CTNNA3: variants seen among roughly 807,000 people sequenced by gnomAD.
CTNNA3 encodes catenin alpha 3, also known as catenin alpha-3.
In CTNNA3, 76 loss-of-function variants were observed where a neutral mutation model predicts 95.7. That is an observed-to-expected ratio of 0.79 (90% CI 0.66 to 0.96). The LOEUF is 0.96. CTNNA3 is among the 40% of genes least tolerant of loss of function. The pLI, the probability that CTNNA3 is intolerant of heterozygous loss-of-function variation, is 0.00. For missense variants in CTNNA3, 1,191 were observed against 1,089.8 expected (o/e 1.09, Z -1.31); for synonymous variants, 431 against 374.4 (o/e 1.15, Z -1.74).
intron 7 of CTNNA3, among the ~76,000 whole-genome samples, chr10:66,940,821 T>C (rs1401774036): frequency 6.6e-6 from 1 of 152,202 alleles, no homozygotes; most frequent in East Asian, 1.9e-4. Flanking sequence ...AGTTTGTATT[T>C]CAACTGTACC....
At chr10:66,092,686 A>C (rs1018297555) in intron 14 of CTNNA3, among the ~76,000 whole-genome samples, 2 of 151,988 alleles carry the variant, frequency 1.3e-5, no homozygotes, top group African/African-American at 4.8e-5. Flanking sequence ...AAAGATATAG[A>C]ACTTTGGTTT....
In CTNNA3 at chr10:66,810,983, G is replaced by C. The variant is rs139393125; in HGVS notation, c.1048-35459C>G. Among the ~76,000 whole-genome samples the C allele has an allele frequency of 2.8e-3, 420 of 152,270 alleles. 2 individuals carry two copies. Among genetic ancestry groups the C allele is most frequent in the African/African-American group, 9.6e-3 (397 of 41,570 alleles). ...TATTAAGCAGAGTATATTGTACCATGTGGAGACTCAGTTGGGTTTCAGTGT... is the reference window on the plus strand; with the variant it reads ...TATTAAGCAGAGTATATTGTACCATCTGGAGACTCAGTTGGGTTTCAGTGT... On this transcript the variant is annotated intron_variant, in intron 7 of 17. Coordinates refer to ENST00000433211, the MANE Select transcript of CTNNA3 (RefSeq NM_013266.4).
intron 17 of CTNNA3, among the ~76,000 whole-genome samples, chr10:65,960,451 G>C (rs369002948): frequency 1.3e-5 from 2 of 152,052 alleles, no homozygotes; most frequent in Admixed American, 1.3e-4. Context: ...CATGAACCCA[G>C]GAGGCGGAGC....
rs202174114 is a variant in CTNNA3, at chr10:67,099,442, G to A, written c.1047+80875C>T. 4.0e-5 allele frequency: 6 copies of A among 151,702 alleles called. No individual in the cohort carries two copies. The East Asian group carries it at 7.8e-4, about 20-fold the overall frequency. The allele number at this position is 151,702 out of a possible 1,614,324, so 9.4% of individuals were successfully genotyped here. ...AGATTGACAATACATCAATCTAACA[G>A]GGGCCAATCAAAACAATGAAGAAAA... On this transcript the variant is annotated intron_variant, in intron 7 of 17. Transcript: ENST00000433211.
chr10:66,970,728 C>T (rs1849672953), intron 7 of CTNNA3, among the ~76,000 whole-genome samples: 1 of 152,076 alleles, frequency 6.6e-6, no homozygotes, highest in Non-Finnish European at 1.5e-5. Flanking sequence ...AAAAATCTTT[C>T]CTTATCTCCA....
At chr10:66,024,471 A>G (rs1046733611) in intron 15 of CTNNA3, among the ~76,000 whole-genome samples, 1 of 152,206 alleles carries the variant, frequency 6.6e-6, no homozygotes, top group African/African-American at 2.4e-5. Context: ...GAAAATGTCC[A>G]TACTTTGTTG....
chr10:66,347,645 A>T (rs1422868853), intron 12 of CTNNA3, among the ~76,000 whole-genome samples: 1 of 152,014 alleles, frequency 6.6e-6, no homozygotes, highest in Non-Finnish European at 1.5e-5. Context: ...GAATCTACCA[A>T]ATATCTAAAA....
Position 65,946,651 on chromosome 10 carries a change from T to C in CTNNA3, c.2400+19961A>G, listed in dbSNP as rs367623883. On this transcript the variant is annotated intron_variant, in intron 17 of 17. Transcript: ENST00000433211. Reference sequence around the variant, plus strand: ...CAAATTCTAATTCTTTATTATTTAGTGCAAATTTTCTGTGAAATTCTTTAG... The same window carrying C: ...CAAATTCTAATTCTTTATTATTTAGCGCAAATTTTCTGTGAAATTCTTTAG... Among the ~76,000 whole-genome samples, 22 of 152,192 alleles carry C rather than the reference T, an allele frequency of 1.4e-4. No individual in the cohort carries two copies. In the East Asian group the frequency reaches 2.1e-3, roughly 15 times the overall value.
At chr10:67,324,766 A>C (rs1159269232) in intron 5 of CTNNA3, among the ~76,000 whole-genome samples, 3 of 151,710 alleles carry the variant, frequency 2.0e-5, no homozygotes, top group African/African-American at 7.3e-5. Context: ...GATGAGGTAG[A>C]AAGAAGACCC....
chr10:66,546,672 A>G (rs1172772494), intron 10 of CTNNA3, among the ~76,000 whole-genome samples: 1 of 152,096 alleles, frequency 6.6e-6, no homozygotes, highest in Non-Finnish European at 1.5e-5. Flanking sequence ...ATGCTTATAA[A>G]ACCATCAGAT....
At position 66,110,420 on chromosome 10, in the gene CTNNA3, T is replaced by C. The variant is rs1040008521; in HGVS notation, c.1885-7171A>G. On this transcript the variant is annotated intron_variant, in intron 13 of 17. Transcript: ENST00000433211. ...TGCCTAAGAGATATCTGCACTTCCA[T>C]GTTCACAATAGCTAAGAGATGGAAG... 2.9e-4 allele frequency among the ~76,000 whole-genome samples: 44 copies of C among 150,978 alleles called. 1 individual carries two copies. Among genetic ancestry groups the C allele is most frequent in the Non-Finnish European group, 4.9e-4 (33 of 67,802 alleles).
intron 3 of CTNNA3, among the ~76,000 whole-genome samples, chr10:67,596,434 G>A (rs1010253497): frequency 4.6e-5 from 7 of 152,258 alleles, no homozygotes; most frequent in Non-Finnish European, 7.4e-5. Flanking sequence ...GGGTTTTAAG[G>A]ACCTCTTGAA....
rs1256322980 is a variant in CTNNA3, at chr10:67,726,533, T to A, written c.-2+36901A>T. Among the ~76,000 whole-genome samples, 24 of 61,744 alleles carry A rather than the reference T, an allele frequency of 3.9e-4. 1 individual carries two copies. Among genetic ancestry groups the A allele is most frequent in the Non-Finnish European group, 5.8e-4 (23 of 39,618 alleles). The allele number at this position is 61,744 out of a possible 152,430, so 40.5% of individuals were successfully genotyped here. On this transcript the variant is annotated intron_variant, in intron 1 of 17. Coordinates refer to the CTNNA3 transcript ENST00000684154. ...TATATATTATATTATATTATATATATTATTATATATTACATATTATATAAT... is the reference window on the plus strand; with the variant it reads ...TATATATTATATTATATTATATATAATATTATATATTACATATTATATAAT...
At chr10:66,451,949 T>G (rs1325822812) in intron 11 of CTNNA3, among the ~76,000 whole-genome samples, 1 of 152,136 alleles carries the variant, frequency 6.6e-6, no homozygotes, top group Non-Finnish European at 1.5e-5. Flanking sequence ...AAATTTGAAC[T>G]GCACTCACAT....
chr10:66,280,664 T>C (rs751915344), intron 12 of CTNNA3, 43 bp from the exon 13 acceptor site: 3 of 1,519,826 alleles, frequency 2.0e-6, no homozygotes, highest in Non-Finnish European at 2.7e-6. Flanking sequence ...CTCTTTGTAT[T>C]TTTGGATTTA....
intron 7 of CTNNA3, among the ~76,000 whole-genome samples, chr10:67,112,376 A>G (rs1858950625): frequency 1.3e-5 from 2 of 151,826 alleles, no homozygotes; most frequent in South Asian, 4.2e-4. Context: ...GGTGGAATTT[A>G]TCCATATCTT....
chr10:67,345,323 T>C (rs1327115668), intron 5 of CTNNA3, among the ~76,000 whole-genome samples: 1 of 152,102 alleles, frequency 6.6e-6, no homozygotes, highest in Non-Finnish European at 1.5e-5. Context: ...TTGGATGACA[T>C]GTTCTGTAAA....
At chr10:66,539,418 G>A (rs1481218065) in intron 10 of CTNNA3, among the ~76,000 whole-genome samples, 1 of 152,088 alleles carries the variant, frequency 6.6e-6, no homozygotes, top group Non-Finnish European at 1.5e-5. Flanking sequence ...GGTAGGTGGA[G>A]GAATGAGTCT....
chr10:65,921,390 C>T (rs2077084035), intron 17 of CTNNA3, among the ~76,000 whole-genome samples: 1 of 152,152 alleles, frequency 6.6e-6, no homozygotes, highest in Non-Finnish European at 1.5e-5. Context: ...TGCCAAAACC[C>T]TATTGTAATT....
Sources: gnomAD v4.1 joint callset for allele counts (sites outside exome capture counted in the v4.1 genomes callset) on GRCh38, gnomAD v4.1.1 for gene constraint, MANE v1.5 for transcripts, NCBI Gene and HGNC (gene_info 2026-07-23, HGNC 2026-07-21) for gene names.